DLGAP1: variants seen among roughly 807,000 people sequenced by gnomAD.
DLGAP1 encodes the protein disks large-associated protein 1.
DLGAP1 carries 11 observed loss-of-function variants against 90.8 expected under a neutral mutation model. That is an observed-to-expected ratio of 0.12 (90% confidence interval 0.08 to 0.20). The LOEUF is 0.20. Among genes scored for constraint, DLGAP1 ranks in the 10% least tolerant of loss-of-function variants. DLGAP1 has a pLI of 1.00. For synonymous variants in DLGAP1, 558 were observed against 540.7 expected, an observed-to-expected ratio of 1.03 and a Z score of -0.44; for missense variants, 1,050 against 1,333.8, an observed-to-expected ratio of 0.79 and a Z score of 3.31.
At chr18:3,980,811 G>A (rs761721924) in intron 3 of DLGAP1, among the ~76,000 whole-genome samples, 5 of 152,002 alleles carry the variant, frequency 3.3e-5, no homozygotes, top group African/African-American at 4.8e-5. Context: ...ATGCATACAC[G>A]TATCATATAT....
rs764292324 is a variant in DLGAP1 at position 3,742,455 on chromosome 18, T to C, written c.1230A>G (p.Ala410=). 9.9e-6 allele frequency: 16 copies of C among 1,614,062 alleles called. No homozygotes were observed. The African/African-American group carries it at 1.1e-4, about 11-fold the overall frequency. ...TCCGGTTGATGGAGACTTCACTCAC[T>C]GCCCTCAGGTAACTATGACTCCGGA... is the stretch of plus-strand genomic sequence containing the variant. The part of the protein sequence containing the change: ...LQIRSHSYLR[A]VSEVSINRSL... Residue 410 remains alanine (A), a synonymous_variant, in exon 6 of 13, where the codon GCA becomes GCG. Coordinates refer to ENST00000315677, the MANE Select transcript of DLGAP1 (RefSeq NM_004746.4).
chr18:4,418,221 T>C (rs2082947026), intron 1 of DLGAP1, among the ~76,000 whole-genome samples: 1 of 152,114 alleles, frequency 6.6e-6, no homozygotes, highest in Non-Finnish European at 1.5e-5. Flanking sequence ...TGTCCACTAC[T>C]AGGCAGAAAA....
intron 1 of DLGAP1, among the ~76,000 whole-genome samples, chr18:4,413,895 G>A (rs769342643): frequency 2.6e-5 from 4 of 152,104 alleles, no homozygotes; most frequent in East Asian, 3.8e-4. Context: ...TCAAGAAAAC[G>A]GTTTTTGGAA....
chr18:4,011,549 G>C (rs2074422341), intron 2 of DLGAP1, among the ~76,000 whole-genome samples: 1 of 151,914 alleles, frequency 6.6e-6, no homozygotes, highest in East Asian at 2.0e-4. Context: ...GGGCATGGTG[G>C]CTCATGTCTG....
intron 1 of DLGAP1, among the ~76,000 whole-genome samples, chr18:4,419,095 T>C (rs946531932): frequency 1.3e-5 from 2 of 152,206 alleles, no homozygotes; most frequent in Non-Finnish European, 2.9e-5. Context: ...TATTTTGAAG[T>C]GTTTTTCAAA....
At chr18:3,921,871 G>A (rs901736656) in intron 3 of DLGAP1, among the ~76,000 whole-genome samples, 9 of 152,176 alleles carry the variant, frequency 5.9e-5, no homozygotes, top group African/African-American at 9.7e-5. Flanking sequence ...TCAGGTGGCT[G>A]TGAGACCCAG....
chr18:4,336,421 T>C (rs1265094476), intron 1 of DLGAP1, among the ~76,000 whole-genome samples: 4 of 152,018 alleles, frequency 2.6e-5, no homozygotes, highest in Non-Finnish European at 4.4e-5. Context: ...GGTAGAAAAA[T>C]ATAGACGAGT....
intron 2 of DLGAP1, among the ~76,000 whole-genome samples, chr18:4,072,298 C>T (rs2075460022): frequency 6.6e-6 from 1 of 150,962 alleles, no homozygotes; most frequent in African/African-American, 2.4e-5. Flanking sequence ...AATGATGAAA[C>T]TTTTTTTTTT....
chr18:3,499,492 C>T lies in DLGAP1; in HGVS notation c.2725-98G>A, dbSNP rs2049816133. 3.1e-6 allele frequency: 4 copies of T among 1,305,944 alleles called. No homozygotes were observed. The highest frequency in any genetic ancestry group is 4.2e-6 in the Non-Finnish European group (4 of 947,940). The allele number at this position is 1,305,944 out of a possible 1,614,324, so 80.9% of individuals were successfully genotyped here. A position where few individuals can be genotyped will look rare whatever the true frequency, so the allele number is the denominator to read the frequency against. ...GTAGTTAGAACACACAGTTTTTTAC[C>T]TAGGGGTGGTTAGTTCTGATCTGCA... On this transcript the variant is annotated intron_variant, in intron 12 of 12. Transcript: ENST00000315677. The surrounding 1 kb of genome is among the most constrained non-coding windows in gnomAD (Gnocchi z 6.4).
At chr18:3,542,191 CA>C (rs2052730402) in intron 9 of DLGAP1, among the ~76,000 whole-genome samples, 1 of 152,194 alleles carries the variant, frequency 6.6e-6, no homozygotes, top group Non-Finnish European at 1.5e-5. Flanking sequence ...TCAGAAAGAG[CA>C]GAAACTTTTA....
At chr18:4,117,215 T>C (rs1014612772) in intron 2 of DLGAP1, among the ~76,000 whole-genome samples, 1 of 152,228 alleles carries the variant, frequency 6.6e-6, no homozygotes, top group Non-Finnish European at 1.5e-5. Context: ...ATCTTGATCT[T>C]AGACTTCTAG....
chr18:3,593,484 A>T (rs2056396363), intron 7 of DLGAP1, among the ~76,000 whole-genome samples: 1 of 152,196 alleles, frequency 6.6e-6, no homozygotes, highest in South Asian at 2.1e-4. Flanking sequence ...TGGGAGATAC[A>T]AGGTATCCCA....
At chr18:3,830,504 T>C (rs1294545352) in intron 4 of DLGAP1, among the ~76,000 whole-genome samples, 1 of 152,134 alleles carries the variant, frequency 6.6e-6, no homozygotes, top group Non-Finnish European at 1.5e-5. Flanking sequence ...AGGCGGAGGT[T>C]GCAGGGAGCC....
chr18:3,630,918 G>A (rs973039790), intron 7 of DLGAP1, among the ~76,000 whole-genome samples: 1 of 152,122 alleles, frequency 6.6e-6, no homozygotes, highest in African/African-American at 2.4e-5. Context: ...TAAATTTATA[G>A]ATCAGTTTTA....
chr18:3,574,446 C>G (rs544617103), intron 8 of DLGAP1, among the ~76,000 whole-genome samples: 3 of 152,208 alleles, frequency 2.0e-5, no homozygotes, highest in South Asian at 4.1e-4. Flanking sequence ...TCTTGAATTC[C>G]TTCCGTAATC....
chr18:3,644,401 T>TTTATTTATTTATTTATTTA (rs1555613021), intron 7 of DLGAP1, among the ~76,000 whole-genome samples: 27 of 150,682 alleles, frequency 1.8e-4, no homozygotes, highest in African/African-American at 6.7e-4. Flanking sequence ...TACTATTTTA[T>TTTATTTATTTATTTATTTA]TTTATTTATT....
At chr18:3,513,880 G>C (rs1342839326) in intron 10 of DLGAP1, among the ~76,000 whole-genome samples, 1 of 152,114 alleles carries the variant, frequency 6.6e-6, no homozygotes, top group Non-Finnish European at 1.5e-5. Flanking sequence ...GAGAAAAGGA[G>C]GTAGTATAAG....
At chr18:4,370,936 G>C (rs1055025316) in intron 1 of DLGAP1, among the ~76,000 whole-genome samples, 1 of 151,048 alleles carries the variant, frequency 6.6e-6, no homozygotes, top group African/African-American at 2.4e-5. Flanking sequence ...AGGATGGGAA[G>C]TACATACCTC....
At chr18:3,865,792 C>G (rs2070346270) in intron 4 of DLGAP1, among the ~76,000 whole-genome samples, 3 of 152,126 alleles carry the variant, frequency 2.0e-5, no homozygotes, top group Admixed American at 1.3e-4. Flanking sequence ...CAGAAACTTC[C>G]AGAAATAAAG....
Sources: allele counts gnomAD v4.1 joint callset (sites outside exome capture counted in the v4.1 genomes callset), GRCh38; gene constraint gnomAD v4.1.1; non-coding constraint Gnocchi (gnomAD v3.1); transcripts MANE v1.5; gene names NCBI Gene and HGNC (gene_info 2026-07-23, HGNC 2026-07-21).